Variants in PHLDB2 observed in about 807,000 individuals in gnomAD.
PHLDB2 encodes pleckstrin homology-like domain family B member 2.
A neutral mutation model predicts 123.6 loss-of-function variants in PHLDB2; 71 were observed. That is an observed-to-expected ratio of 0.57 (90% CI 0.47 to 0.70). PHLDB2 has a LOEUF of 0.70. PHLDB2 is among the 30% of genes least tolerant of loss of function. The pLI is 0.00. For synonymous variants in PHLDB2, 547 were observed against 541.6 expected, an observed-to-expected ratio of 1.01 and a Z score of -0.14; for missense variants, 1,446 against 1,519.5, an observed-to-expected ratio of 0.95 and a Z score of 0.80.
At chr3:111,923,295 A>C (rs533539146) in intron 5 of PHLDB2, among the ~76,000 whole-genome samples, 1 of 152,136 alleles carries the variant, frequency 6.6e-6, no homozygotes, top group Non-Finnish European at 1.5e-5. Flanking sequence ...CATTCAGTAC[A>C]GGGGACAGCT....
At chr3:111,809,877 A>G (rs1399754811) in intron 1 of PHLDB2, among the ~76,000 whole-genome samples, 1 of 152,214 alleles carries the variant, frequency 6.6e-6, no homozygotes, top group Non-Finnish European at 1.5e-5. Flanking sequence ...AACAAATTTC[A>G]GTTATGCAAG....
At chr3:111,896,657 G>A (rs2066891145) in intron 2 of PHLDB2, among the ~76,000 whole-genome samples, 2 of 151,878 alleles carry the variant, frequency 1.3e-5, no homozygotes, top group South Asian at 4.1e-4. Flanking sequence ...AGGCTGCGCT[G>A]GCTAATTCTT....
At chr3:111,911,610 A>T in intron 2 of PHLDB2, 1 of 1,535,836 alleles carries the variant, frequency 6.5e-7, no homozygotes, top group Non-Finnish European at 8.7e-7. Flanking sequence ...TCCTGGATGG[A>T]TAGGGTGCAG....
intron 8 of PHLDB2, among the ~76,000 whole-genome samples, chr3:111,943,974 A>C (rs1165833536): frequency 6.6e-6 from 1 of 152,234 alleles, no homozygotes; most frequent in African/African-American, 2.4e-5. Context: ...ACAAAACTAG[A>C]AAACCTAAAT....
chr3:111,930,124 G>A (rs2069049832), intron 5 of PHLDB2, among the ~76,000 whole-genome samples: 1 of 151,576 alleles, frequency 6.6e-6, no homozygotes, highest in Admixed American at 6.6e-5. Context: ...GTGTTAGCCA[G>A]GATGGTCTCG....
chr3:111,920,293 A>G lies in PHLDB2; in HGVS notation c.1875A>G (p.Glu625=), dbSNP rs184932315. Residue 625 remains glutamate, a synonymous_variant, in exon 5 of 18, where the codon GAA becomes GAG. Coordinates refer to ENST00000431670, the MANE Select transcript of PHLDB2 (RefSeq NM_001134438.2). The stretch of plus-strand genomic sequence containing the variant: ...GTTTGTGTCCTTAGTTGGATATGGA[A>G]TGTGCTCTTTTGGATGGAGAACAGA... ...MDESFRELDM[E]CALLDGEQKS... 6.2e-7 allele frequency: 1 copy of G among 1,613,706 alleles called. No homozygotes were observed. The highest frequency in any genetic ancestry group is 8.5e-7 in the Non-Finnish European group (1 of 1,179,862).
intron 16 of PHLDB2, 55 bp from the exon 17 acceptor site, chr3:111,973,677 A>G: frequency 2.2e-6 from 2 of 916,320 alleles, no homozygotes; most frequent in Non-Finnish European, 3.4e-6. Flanking sequence ...TAAAATTATT[A>G]TTTTTTCTGT....
intron 2 of PHLDB2, among the ~76,000 whole-genome samples, chr3:111,847,472 A>G (rs1326661441): frequency 1.3e-5 from 2 of 152,148 alleles, no homozygotes; most frequent in Non-Finnish European, 2.9e-5. Context: ...TACAATTCCA[A>G]TATCCTCCCA....
intron 1 of PHLDB2, among the ~76,000 whole-genome samples, chr3:111,819,229 G>A (rs1257856710): frequency 1.3e-5 from 2 of 151,818 alleles, no homozygotes; most frequent in Non-Finnish European, 2.9e-5. Context: ...CTGACTGGGG[G>A]TTAGGGCTTC....
intron 1 of PHLDB2, among the ~76,000 whole-genome samples, chr3:111,787,015 G>A (rs534417551): frequency 9.2e-5 from 14 of 152,238 alleles, no homozygotes; most frequent in Non-Finnish European, 1.8e-4. Context: ...TGCATGGGGC[G>A]CAATGCTAGG....
intron 1 of PHLDB2, among the ~76,000 whole-genome samples, chr3:111,748,922 G>A (rs1326247369): frequency 6.6e-6 from 1 of 151,912 alleles, no homozygotes; most frequent in Admixed American, 6.6e-5. Context: ...TTATTTCCAA[G>A]TCATACTCTA....
intron 4 of PHLDB2, 137 bp downstream of exon 4, chr3:111,919,352 A>G (rs1282941): frequency 1 from 866,815 of 866,932 alleles, 433,349 homozygotes; most frequent in Middle Eastern, 1. Flanking sequence ...GGTTCCCTGT[A>G]TAGAGTGAAA....
chr3:111,738,183 A>T (rs1305273895), intron 1 of PHLDB2, among the ~76,000 whole-genome samples: 3 of 152,210 alleles, frequency 2.0e-5, no homozygotes, highest in Non-Finnish European at 4.4e-5. Flanking sequence ...ACTGTTCTCT[A>T]CTCAAATTCA....
At chr3:111,745,364 G>T (rs1345501441) in intron 1 of PHLDB2, among the ~76,000 whole-genome samples, 1 of 152,176 alleles carries the variant, frequency 6.6e-6, no homozygotes, top group Non-Finnish European at 1.5e-5. Context: ...GCCAGGCACT[G>T]ATTTATATTA....
intron 13 of PHLDB2, among the ~76,000 whole-genome samples, chr3:111,965,708 C>A (rs1480766298): frequency 6.6e-6 from 1 of 152,120 alleles, no homozygotes; most frequent in Non-Finnish European, 1.5e-5. Context: ...ACATGCATTA[C>A]AAATAGCATA....
chr3:111,848,697 C>T (rs2064121445), intron 2 of PHLDB2, among the ~76,000 whole-genome samples: 1 of 152,202 alleles, frequency 6.6e-6, no homozygotes, highest in East Asian at 1.9e-4. Flanking sequence ...ACCACATGTA[C>T]AACAGTGGCC....
intron 4 of PHLDB2, among the ~76,000 whole-genome samples, chr3:111,919,592 A>G (rs1357122508): frequency 6.6e-6 from 1 of 152,238 alleles, no homozygotes; most frequent in African/African-American, 2.4e-5. Context: ...TATGAGTTGG[A>G]TATCACATTG....
Position 111,885,211 on chromosome 3 carries a change from G to A in PHLDB2, c.1134G>A (p.Ala378=), listed in dbSNP as rs145708919. The change falls in exon 2 of 18, where the codon GCG becomes GCA. Residue 378 remains alanine (A), a synonymous_variant. Transcript: ENST00000431670. ...LLAGESDRVF[A]TRRNFSCGSV... is the part of the protein sequence containing the mutation. Reference sequence around the variant, plus strand: ...CTGGAGAGTCAGACAGAGTTTTTGCGACCAGGAGGAACTTCTCTTGTGGAT... The same window carrying A: ...CTGGAGAGTCAGACAGAGTTTTTGCAACCAGGAGGAACTTCTCTTGTGGAT... 2.9e-5 allele frequency: 47 copies of A among 1,613,950 alleles called. No homozygotes were observed. In the African/African-American group the frequency reaches 4.9e-4, roughly 17 times the overall value.
chr3:111,891,345 A>C (rs761624633), intron 2 of PHLDB2, among the ~76,000 whole-genome samples: 4 of 151,902 alleles, frequency 2.6e-5, no homozygotes, highest in Admixed American at 6.6e-5. Flanking sequence ...CTGAGCTCCA[A>C]CTCCTGTCAG....
Sources: gnomAD v4.1 joint callset for allele counts (sites outside exome capture counted in the v4.1 genomes callset) on GRCh38, gnomAD v4.1.1 for gene constraint, MANE v1.5 for transcripts, NCBI Gene and HGNC (gene_info 2026-07-23, HGNC 2026-07-21) for gene names.